The following UGT3A1 variants were observed in gnomAD, a reference collection of about 807,000 sequenced individuals.
The protein encoded by UGT3A1 is UDP-glycosyltransferase 3A1.
A neutral mutation model predicts 37.6 loss-of-function variants in UGT3A1; 40 were observed. The observed-to-expected ratio is 1.06, with a 90% CI of 0.83 to 1.38. The LOEUF is 1.38. UGT3A1 is among the 40% of genes most tolerant of loss of function. The pLI, the probability that UGT3A1 is intolerant of heterozygous loss-of-function variation, is 0.00. For missense variants in UGT3A1, 642 were observed against 634.2 expected (o/e 1.01, Z -0.13); for synonymous variants, 256 against 232.3 (o/e 1.10, Z -0.93).
intron 5 of UGT3A1, 33 bp from the exon 6 acceptor site, chr5:35,955,897 C>G: frequency 1.2e-6 from 2 of 1,600,234 alleles, no homozygotes; most frequent in Non-Finnish European, 8.6e-7. Context: ...TGGAACACTT[C>G]AGGATGAAAA....
At chr5:35,966,028 A>G in intron 3 of UGT3A1, 111 bp from the exon 4 acceptor site, 1 of 819,842 alleles carries the variant, frequency 1.2e-6, no homozygotes, top group Non-Finnish European at 1.8e-6. Context: ...TATAACCAGT[A>G]TCCATCAACC....
rs1739190994 is a variant in UGT3A1, at chr5:35,951,016, G to A, written c.*3186C>T. 6.6e-6 allele frequency: 1 copy of A among 151,738 alleles called. No individual in the cohort carries two copies. Among genetic ancestry groups the A allele is most frequent in the Non-Finnish European group, 1.5e-5 (1 of 67,904 alleles). 9.4% of individuals were successfully genotyped at this position (151,738 alleles called of 1,614,324 possible). On this transcript the variant is annotated 3_prime_UTR_variant, in exon 7 of 7. Transcript: ENST00000274278. ...CAATAGACTACAAGATTCGTTTGGA[G>A]TTCTTTTTTTTTTCTGTTGATTGAT...
chr5:35,985,193 C>T lies in UGT3A1; in HGVS notation c.196+3257G>A, dbSNP rs1740684087. ...ATATATGGAAAACTATAAAACTCCA[C>T]TGAAAGAAACTGAAGAGGTCACAAT... On this transcript the variant is annotated intron_variant, in intron 2 of 6. Transcript: ENST00000274278. Among the ~76,000 whole-genome samples the T allele has an allele frequency of 1.3e-5, 2 of 151,178 alleles. 1 individual carries two copies. The highest frequency in any genetic ancestry group is 4.2e-4 in the South Asian group (2 of 4,802).
intron 2 of UGT3A1, among the ~76,000 whole-genome samples, chr5:35,973,085 G>T (rs1740115914): frequency 6.6e-6 from 1 of 152,130 alleles, no homozygotes; most frequent in African/African-American, 2.4e-5. Context: ...TGAATCTGGG[G>T]CTATTGAACC....
At chr5:35,955,585 TC>T in intron 6 of UGT3A1, 59 bp downstream of exon 6, 4 of 1,553,340 alleles carry the variant, frequency 2.6e-6, no homozygotes, top group Non-Finnish European at 3.6e-6. Flanking sequence ...ATACACAGTA[TC>T]CCTTGTGTTT....
chr5:35,973,903 G>C (rs1260364534), intron 2 of UGT3A1, among the ~76,000 whole-genome samples: 3 of 152,312 alleles, frequency 2.0e-5, no homozygotes, highest in Middle Eastern at 3.4e-3. Context: ...TGGAGACCTA[G>C]AGCATTAGCT....
chr5:35,986,148 C>G (rs73076173), intron 2 of UGT3A1, among the ~76,000 whole-genome samples: 4 of 152,150 alleles, frequency 2.6e-5, no homozygotes, highest in South Asian at 2.1e-4. Flanking sequence ...CATCTCATCA[C>G]AGTTAAAATG....
intron 4 of UGT3A1, among the ~76,000 whole-genome samples, chr5:35,964,847 G>T (rs1439271910): frequency 1.3e-5 from 2 of 152,160 alleles, no homozygotes; most frequent in Non-Finnish European, 2.9e-5. Flanking sequence ...AATTACAATG[G>T]CAGGGGCCCA....
At chr5:35,987,849 T>C (rs1469354003) in intron 2 of UGT3A1, among the ~76,000 whole-genome samples, 1 of 152,222 alleles carries the variant, frequency 6.6e-6, no homozygotes, top group Non-Finnish European at 1.5e-5. Context: ...TCCGTCTCCT[T>C]GTCTGTCAAC....
chr5:35,958,837 T>C (rs79023234), intron 4 of UGT3A1, among the ~76,000 whole-genome samples: 29,489 of 152,206 alleles, frequency 0.19, 3,421 homozygotes, highest in African/African-American at 0.32. Context: ...CATTCTAACC[T>C]GTCTGTTGGC....
chr5:35,957,103 C>A, intron 5 of UGT3A1, 85 bp downstream of exon 5: 1 of 1,178,844 alleles, frequency 8.5e-7, no homozygotes, highest in Non-Finnish European at 1.2e-6. Flanking sequence ...TAGGCTGATA[C>A]AAATGCCCAG....
At chr5:35,985,228 G>GTGGA (rs1740685574) in intron 2 of UGT3A1, among the ~76,000 whole-genome samples, 1 of 151,922 alleles carries the variant, frequency 6.6e-6, no homozygotes, top group South Asian at 2.1e-4. Context: ...TAAATAGAAA[G>GTGGA]CTATTCCTTG....
At chr5:35,966,067 C>T in intron 3 of UGT3A1, 150 bp from the exon 4 acceptor site, 1 of 620,906 alleles carries the variant, frequency 1.6e-6, no homozygotes, top group Non-Finnish European at 2.6e-6. Flanking sequence ...CAAATACTCT[C>T]AGCTCTGGTC....
At chr5:35,958,135 T>C (rs1739431645) in intron 4 of UGT3A1, among the ~76,000 whole-genome samples, 1 of 152,212 alleles carries the variant, frequency 6.6e-6, no homozygotes, top group Admixed American at 6.5e-5. Context: ...TATAATATTA[T>C]AATTATGTGA....
intron 2 of UGT3A1, among the ~76,000 whole-genome samples, chr5:35,978,459 C>T (rs555106546): frequency 1.3e-5 from 2 of 152,186 alleles, no homozygotes; most frequent in African/African-American, 2.4e-5. Context: ...TGGCAGAAGG[C>T]GAAAGGCCCA....
At chr5:35,965,008 C>CT (rs1219251472) in intron 4 of UGT3A1, among the ~76,000 whole-genome samples, 3 of 152,236 alleles carry the variant, frequency 2.0e-5, no homozygotes, top group Non-Finnish European at 4.4e-5. Flanking sequence ...GTCTGTTTCA[C>CT]TGTGAGTAGC....
chr5:36,000,489 A>G (rs1402274496), intron 1 of UGT3A1, among the ~76,000 whole-genome samples: 1 of 152,212 alleles, frequency 6.6e-6, no homozygotes, highest in African/African-American at 2.4e-5. Context: ...TGACAAATCC[A>G]TGTGCTGCAA....
intron 4 of UGT3A1, among the ~76,000 whole-genome samples, chr5:35,964,458 C>A (rs1739716336): frequency 2.0e-5 from 3 of 152,116 alleles, no homozygotes; most frequent in Non-Finnish European, 4.4e-5. Context: ...CACCTACCAC[C>A]AATGCAAAGT....
intron 2 of UGT3A1, among the ~76,000 whole-genome samples, chr5:35,977,342 A>C (rs563758807): frequency 1.3e-5 from 2 of 152,350 alleles, no homozygotes; most frequent in South Asian, 4.1e-4. Flanking sequence ...AATATGAATG[A>C]ATCTTTAAAT....
Sources: gnomAD v4.1 joint callset for allele counts (sites outside exome capture counted in the v4.1 genomes callset) on GRCh38, gnomAD v4.1.1 for gene constraint, MANE v1.5 for transcripts, NCBI Gene and HGNC (gene_info 2026-07-23, HGNC 2026-07-21) for gene names.